The following TNFAIP8 variants were observed in gnomAD, a reference collection of about 807,000 sequenced individuals.
The protein encoded by TNFAIP8 is tumor necrosis factor alpha-induced protein 8.
A neutral mutation model predicts 13.3 loss-of-function variants in TNFAIP8; 7 were observed. The observed-to-expected ratio is 0.52, with a 90% CI of 0.30 to 0.99. The LOEUF (loss-of-function observed/expected upper bound fraction) is 0.99, where lower values mean the gene tolerates loss of function less well. Ranked by LOEUF, TNFAIP8 falls within the 50% of genes least tolerant of loss-of-function variation. The pLI is 0.07. For synonymous variants in TNFAIP8, 94 were observed against 87.6 expected (o/e 1.07, Z -0.41); for missense variants, 258 against 236.9 (o/e 1.09, Z -0.58).
intron 1 of TNFAIP8, among the ~76,000 whole-genome samples, chr5:119,284,834 T>A (rs74732366): frequency 0.01 from 1,547 of 152,300 alleles, 17 homozygotes; most frequent in African/African-American, 0.035. Context: ...AGCATTTGCT[T>A]GTTAACAATA....
Position 119,272,931 on chromosome 5 carries a change from G to A in TNFAIP8, c.1+4024G>A, listed in dbSNP as rs187217531. Among the ~76,000 whole-genome samples, 196 of 152,348 alleles carry A rather than the reference G, an allele frequency of 1.3e-3. 1 individual carries two copies. Among genetic ancestry groups the A allele is most frequent in the African/African-American group, 4.6e-3 (191 of 41,580 alleles). Reference sequence around the variant, plus strand: ...TAAAAACAAGGGTTGCGGGCAGGTGGTCACAGGATTGAGACTCCAGGCTAA... The same window carrying A: ...TAAAAACAAGGGTTGCGGGCAGGTGATCACAGGATTGAGACTCCAGGCTAA... On this transcript the variant is annotated intron_variant, in intron 1 of 1. Coordinates refer to the TNFAIP8 transcript ENST00000274456.
intron 1 of TNFAIP8, among the ~76,000 whole-genome samples, chr5:119,289,947 T>TC (rs1314457952): frequency 1.3e-5 from 2 of 152,212 alleles, no homozygotes; most frequent in Non-Finnish European, 2.9e-5. Context: ...ATGAAGTCAG[T>TC]CCAAGACACA....
upstream of TNFAIP8, chr5:119,355,312 C>G (rs1313665478): frequency 1.4e-6 from 1 of 701,740 alleles, no homozygotes; most frequent in African/African-American, 1.7e-5. Context: ...AATGAGTGCC[C>G]GGGCTGTGCT....
intron 1 of TNFAIP8, among the ~76,000 whole-genome samples, chr5:119,339,457 G>GTTTTTTT (rs397884992): frequency 8.6e-6 from 1 of 116,212 alleles, no homozygotes; most frequent in Non-Finnish European, 1.8e-5. Flanking sequence ...CTCTTGTGGT[G>GTTTTTTT]TTTTTTTTTT....
intron 1 of TNFAIP8, among the ~76,000 whole-genome samples, chr5:119,338,318 A>G (rs1000671966): frequency 3.3e-5 from 5 of 152,298 alleles, no homozygotes; most frequent in African/African-American, 1.2e-4. Context: ...GATTATCAGG[A>G]AGCCCCGTCA....
At chr5:119,272,326 C>G (rs142511741) in intron 1 of TNFAIP8, among the ~76,000 whole-genome samples, 169 of 152,302 alleles carry the variant, frequency 1.1e-3, no homozygotes, top group African/African-American at 3.9e-3. Flanking sequence ...TGCTATGTGC[C>G]TGGTACAGCA....
chr5:119,318,841 T>A (rs1399494281), intron 1 of TNFAIP8, among the ~76,000 whole-genome samples: 1 of 152,154 alleles, frequency 6.6e-6, no homozygotes, highest in African/African-American at 2.4e-5. Context: ...GTTTTAAAAA[T>A]TGTTTTAGCC....
At chr5:119,350,979 TA>T (rs1562012568) in intron 1 of TNFAIP8, among the ~76,000 whole-genome samples, 2 of 132,548 alleles carry the variant, frequency 1.5e-5, no homozygotes, top group East Asian at 2.3e-4. Flanking sequence ...TGTGTGTGTG[TA>T]GAGAGAGGGG....
chr5:119,376,581 T>TC (rs908332149), intron 1 of TNFAIP8, among the ~76,000 whole-genome samples: 2 of 130,648 alleles, frequency 1.5e-5, no homozygotes, highest in Non-Finnish European at 3.1e-5. Context: ...GTCTTTCTGC[T>TC]CCCCCAGAAA....
intron 1 of TNFAIP8, among the ~76,000 whole-genome samples, chr5:119,368,430 CGTGTGT>C (rs376615641): frequency 5.6e-4 from 74 of 133,088 alleles, no homozygotes; most frequent in Non-Finnish European, 9.3e-4. Context: ...TTCTAAGCAG[CGTGTGT>C]GTGTGTGTGT....
At position 119,281,318 on chromosome 5, in the gene TNFAIP8, T is replaced by TCTCTCA. The variant is rs1297096228; in HGVS notation, c.1+12412_1+12413insTCTCAC. Among the ~76,000 whole-genome samples, 9 of 20,720 alleles carry TCTCTCA rather than the reference T, an allele frequency of 4.3e-4. No individual in the cohort carries two copies. The Admixed American group carries it at 5.6e-3, about 13-fold the overall frequency. The allele number at this position is 20,720 out of a possible 152,430, so 13.6% of individuals were successfully genotyped here. On this transcript the variant is annotated intron_variant, in intron 1 of 1. Transcript: ENST00000274456. ...CACACACACACACACTCTCTCTCTC[T>TCTCTCA]CACACTTACATGCAAACATAAATAC...
chr5:119,271,103 A>G (rs1297129562), intron 1 of TNFAIP8, among the ~76,000 whole-genome samples: 18 of 152,376 alleles, frequency 1.2e-4, no homozygotes, highest in Middle Eastern at 6.8e-3. Flanking sequence ...GATCCTAAAC[A>G]GAATAGCAGA....
At chr5:119,287,438 C>T (rs944893981) in intron 1 of TNFAIP8, among the ~76,000 whole-genome samples, 5 of 152,042 alleles carry the variant, frequency 3.3e-5, no homozygotes, top group African/African-American at 4.8e-5. Context: ...CACATAGTTA[C>T]CGTGTGTGTG....
intron 1 of TNFAIP8, among the ~76,000 whole-genome samples, chr5:119,368,619 T>TC: frequency 6.6e-6 from 1 of 152,312 alleles, no homozygotes; most frequent in East Asian, 1.9e-4. Flanking sequence ...TCTGAGCGTC[T>TC]ATTTGTTTTT....
intron 1 of TNFAIP8, among the ~76,000 whole-genome samples, chr5:119,380,924 A>G (rs1752460549): frequency 6.6e-6 from 1 of 152,196 alleles, no homozygotes; most frequent in South Asian, 2.1e-4. Context: ...TGTGAAAAAA[A>G]TCTTGAGAGG....
At chr5:119,276,874 C>T (rs181046507) in intron 1 of TNFAIP8, among the ~76,000 whole-genome samples, 3 of 152,192 alleles carry the variant, frequency 2.0e-5, no homozygotes, top group Non-Finnish European at 4.4e-5. Flanking sequence ...TAGTTGTCCT[C>T]CTTTACACAG....
intron 1 of TNFAIP8, 79 bp from the exon 2 acceptor site, chr5:119,392,737 C>G: frequency 7.0e-7 from 1 of 1,424,198 alleles, no homozygotes; most frequent in Non-Finnish European, 9.2e-7. Flanking sequence ...AAAGTGCTCC[C>G]AAATACCTGT....
intron 1 of TNFAIP8, among the ~76,000 whole-genome samples, chr5:119,277,384 A>G (rs548770877): frequency 1.3e-5 from 2 of 152,310 alleles, no homozygotes; most frequent in African/African-American, 4.8e-5. Context: ...TAGTGTAGAC[A>G]CAAGTTTCCA....
chr5:119,381,499 C>A (rs1413961298), intron 1 of TNFAIP8, among the ~76,000 whole-genome samples: 1 of 152,050 alleles, frequency 6.6e-6, no homozygotes. Context: ...ATGATTGCAC[C>A]ACTGCCCTCC....
Sources: allele counts gnomAD v4.1 joint callset (sites outside exome capture counted in the v4.1 genomes callset), GRCh38; gene constraint gnomAD v4.1.1; transcripts MANE v1.5; gene names NCBI Gene and HGNC (gene_info 2026-07-23, HGNC 2026-07-21).